The following CADM3 variants were observed in gnomAD, a reference collection of about 807,000 sequenced individuals.
CADM3 encodes TSLC1-like 1.
CADM3 carries 11 observed loss-of-function variants against 44.9 expected under a neutral mutation model. That is an observed-to-expected ratio of 0.25 (90% CI 0.15 to 0.41). The LOEUF (loss-of-function observed/expected upper bound fraction) is 0.41. Ranked by LOEUF, CADM3 falls within the 10% of genes least tolerant of loss-of-function variation. The probability of loss-of-function intolerance (pLI) is 1.00; values close to 1 mark genes in which losing one functional copy is unlikely to be tolerated. For missense variants in CADM3, 426 were observed against 512.0 expected (o/e 0.83, Z 1.62); for synonymous variants, 207 against 205.2 (o/e 1.01, Z -0.08).
At chr1:159,187,707 G>A (rs1649473591) in intron 1 of CADM3, among the ~76,000 whole-genome samples, 1 of 152,110 alleles carries the variant, frequency 6.6e-6, no homozygotes, top group Non-Finnish European at 1.5e-5. Flanking sequence ...CTGTCCCTCT[G>A]CCGTCCCACA....
At chr1:159,181,536 T>C (rs1649229310) in intron 1 of CADM3, among the ~76,000 whole-genome samples, 1 of 152,082 alleles carries the variant, frequency 6.6e-6, no homozygotes. Context: ...CGTGCTCAGT[T>C]TCACCTCACC....
chr1:159,194,377 C>T (rs1204194229), intron 5 of CADM3: 1 of 200,486 alleles, frequency 5.0e-6, no homozygotes, highest in Non-Finnish European at 1.0e-5. Flanking sequence ...AGGATTTGGT[C>T]CAAGGGGATA....
In CADM3 at chr1:159,171,842, T is replaced by G; in HGVS notation, c.77T>G (p.Leu26Arg). 2 of 1,243,906 alleles carry G rather than the reference T, an allele frequency of 1.6e-6. No homozygotes were observed. The highest frequency in any genetic ancestry group is 1.0e-6 in the Non-Finnish European group (1 of 992,662). 77.1% of individuals were successfully genotyped at this position (1,243,906 alleles called of 1,614,324 possible). A position where few individuals can be genotyped will look rare whatever the true frequency, so the allele number is the denominator to read the frequency against. ...TGCTGGGCGCCCGGCGGGGCCAACC[T>G]CTCCCAGGACGGTGAGTGAGGGAGG... ...ACCWAPGGAN[L>R]SQDDSQPWTS... Residue 26 changes from leucine (L) to arginine (R), a missense_variant, in exon 1 of 9, where the codon CTC becomes CGC. Around this residue, in one of 2 missense-constraint regions of CADM3, gnomAD observed 64 missense variants for 37.4 expected, o/e 1.71. Coordinates refer to ENST00000368125, the MANE Select transcript of CADM3 (RefSeq NM_001127173.3).
chr1:159,189,171 G>A (rs1327658208), intron 1 of CADM3, among the ~76,000 whole-genome samples: 8 of 152,140 alleles, frequency 5.3e-5, no homozygotes, highest in Non-Finnish European at 1.2e-4. Context: ...TTAAAATCAG[G>A]CATTGAATTT....
intron 1 of CADM3, among the ~76,000 whole-genome samples, chr1:159,181,141 ACT>A (rs1441275899): frequency 6.6e-6 from 1 of 151,936 alleles, no homozygotes; most frequent in Non-Finnish European, 1.5e-5. Context: ...TCTGCGTTTG[ACT>A]CTGTTATGTT....
intron 1 of CADM3, among the ~76,000 whole-genome samples, chr1:159,188,851 G>T (rs945386095): frequency 3.3e-5 from 5 of 152,128 alleles, no homozygotes; most frequent in Non-Finnish European, 1.5e-5. Context: ...TTGTCTGCAG[G>T]GGGATGTAGG....
intron 1 of CADM3, among the ~76,000 whole-genome samples, chr1:159,172,643 T>C (rs1391787887): frequency 6.6e-6 from 1 of 152,120 alleles, no homozygotes; most frequent in African/African-American, 2.4e-5. Flanking sequence ...AAAGCTTTCC[T>C]GGGCTAAGCA....
intron 1 of CADM3, among the ~76,000 whole-genome samples, chr1:159,175,827 C>T (rs776713999): frequency 1.3e-5 from 2 of 152,208 alleles, no homozygotes; most frequent in African/African-American, 2.4e-5. Context: ...CCATAAAATT[C>T]CAGAGACAGC....
intron 7 of CADM3, chr1:159,198,295 A>G (rs1571026713): frequency 6.6e-6 from 1 of 152,202 alleles, no homozygotes; most frequent in Admixed American, 6.5e-5. Flanking sequence ...TCGTTTGGCC[A>G]TGGAAACCTG....
chr1:159,189,329 T>C (rs928942830), intron 1 of CADM3, among the ~76,000 whole-genome samples: 1 of 152,208 alleles, frequency 6.6e-6, no homozygotes, highest in Non-Finnish European at 1.5e-5. Context: ...TTATTAAATG[T>C]GTAGTAATTT....
chr1:159,197,140 A>G, intron 7 of CADM3, 80 bp downstream of exon 7: 1 of 1,441,764 alleles, frequency 6.9e-7, no homozygotes, highest in Non-Finnish European at 9.6e-7. Context: ...GCTTCCTGAT[A>G]ACATCCCCAA....
chr1:159,194,112 G>T, intron 5 of CADM3, 72 bp downstream of exon 5: 2 of 1,472,074 alleles, frequency 1.4e-6, no homozygotes, highest in South Asian at 2.6e-5. Flanking sequence ...GAATGCAGGT[G>T]ACTGTGCATG....
intron 7 of CADM3, among the ~76,000 whole-genome samples, chr1:159,198,718 G>A (rs149896065): frequency 6.6e-5 from 10 of 152,218 alleles, no homozygotes; most frequent in African/African-American, 2.4e-4. Flanking sequence ...CATCAGAACC[G>A]TGTGCTGGGC....
At chr1:159,195,203 C>T (rs560969769) in intron 5 of CADM3, 8 of 152,274 alleles carry the variant, frequency 5.3e-5, no homozygotes, top group Non-Finnish European at 1.0e-4. Context: ...GCAGTGCTGC[C>T]GCTTACTAGC....
intron 1 of CADM3, among the ~76,000 whole-genome samples, chr1:159,184,317 A>G (rs943880475): frequency 7.2e-5 from 11 of 152,324 alleles, no homozygotes; most frequent in Non-Finnish European, 1.0e-4. Context: ...GCAGCCCCCA[A>G]TATGTTTTTC....
intron 1 of CADM3, among the ~76,000 whole-genome samples, chr1:159,187,511 T>C (rs773475138): frequency 2.6e-5 from 4 of 152,342 alleles, no homozygotes; most frequent in Non-Finnish European, 5.9e-5. Flanking sequence ...TGGCTGCCTA[T>C]CTCTTGAGTT....
At chr1:159,172,487 G>A (rs1013481710) in intron 1 of CADM3, among the ~76,000 whole-genome samples, 11 of 152,272 alleles carry the variant, frequency 7.2e-5, no homozygotes, top group African/African-American at 2.6e-4. Context: ...AACAACACAG[G>A]GCGGAGGGGG....
intron 1 of CADM3, 48 bp downstream of exon 1, chr1:159,171,901 G>A (rs1371848158): frequency 1.7e-6 from 2 of 1,171,690 alleles, no homozygotes; most frequent in Non-Finnish European, 2.1e-6. Context: ...AGTGACCCGA[G>A]GCGGGGGCTG....
intron 1 of CADM3, among the ~76,000 whole-genome samples, chr1:159,172,192 T>TTCTGTGTCAGTATCTGTGTGTATG (rs1648838504): frequency 2.0e-5 from 3 of 152,098 alleles, no homozygotes; most frequent in African/African-American, 7.2e-5. Context: ...GGCTCTGCGT[T>TTCTGTGTCAGTATCTGTGTGTATG]TCTGTGTCAG....
Sources: gnomAD v4.1 joint callset for allele counts (sites outside exome capture counted in the v4.1 genomes callset) on GRCh38, gnomAD v4.1.1 for gene constraint, gnomAD v4.1.1 regional missense constraint, MANE v1.5 for transcripts, NCBI Gene and HGNC (gene_info 2026-07-23, HGNC 2026-07-21) for gene names.